The following ALS2 variants were observed in gnomAD, a reference collection of about 807,000 sequenced individuals.
ALS2 encodes the protein alsin Rho guanine nucleotide exchange factor ALS2.
ALS2 carries 117 observed loss-of-function variants against 203.4 expected under a neutral mutation model. The ratio of observed to expected loss-of-function variants is 0.58; its 90% CI spans 0.50 to 0.67. The LOEUF (loss-of-function observed/expected upper bound fraction) is 0.67. ALS2 is among the 30% of genes least tolerant of loss of function. ALS2 has a pLI of 0.00. For missense variants in ALS2, 1,715 were observed against 1,989.4 expected, an observed-to-expected ratio of 0.86 and a Z score of 2.62; for synonymous variants, 718 against 725.9, an observed-to-expected ratio of 0.99 and a Z score of 0.17.
intron 4 of ALS2, chr2:201,760,336 A>G: frequency 1.0e-6 from 1 of 985,412 alleles, no homozygotes; most frequent in Non-Finnish European, 1.2e-6. Context: ...AAAAGATAAA[A>G]TATTAGCCAC....
In ALS2 at chr2:201,761,730, C is replaced by G. The variant is rs767442595; in HGVS notation, c.264G>C (p.Leu88=). 6.2e-7 allele frequency: 1 copy of G among 1,614,016 alleles called. No individual in the cohort carries two copies. The change falls in exon 4 of 34, where the codon CTG becomes CTC. Residue 88 remains leucine (L), a synonymous_variant. Transcript: ENST00000264276. The part of the protein sequence containing the change: ...CPSSPILENA[L]VGQYVITVAT... Reference sequence around the variant, plus strand: ...CCACAGTAATAACATATTGCCCAACCAGGGCATTTTCTAGAATGGGGCTAC... The same window carrying G: ...CCACAGTAATAACATATTGCCCAACGAGGGCATTTTCTAGAATGGGGCTAC...
intron 9 of ALS2, among the ~76,000 whole-genome samples, chr2:201,746,186 C>T (rs1295250311): frequency 6.6e-6 from 1 of 152,130 alleles, no homozygotes; most frequent in Non-Finnish European, 1.5e-5. Context: ...TTCCAATATT[C>T]CTACATGAGG....
intron 7 of ALS2, among the ~76,000 whole-genome samples, chr2:201,751,966 T>G (rs1398619694): frequency 6.6e-6 from 1 of 152,224 alleles, no homozygotes; most frequent in Non-Finnish European, 1.5e-5. Flanking sequence ...TGAGATTATT[T>G]CTAGCCGACA....
rs1689312931 is a variant in ALS2 at position 201,700,356 on chromosome 2, C to T, written c.*1495G>A. Among the ~76,000 whole-genome samples the T allele has an allele frequency of 6.6e-6, 1 of 152,132 alleles. No homozygotes were observed. The highest frequency in any genetic ancestry group is 1.5e-5 in the Non-Finnish European group (1 of 68,024). On this transcript the variant is annotated 3_prime_UTR_variant, in exon 34 of 34. Transcript: ENST00000264276. ...ATTGGGGTCAGAAAGTTAATTTGCT[C>T]TTTGCTAGAAAGGGTGCTATAACTA...
At chr2:201,741,482 AT>A (rs1319316693) in intron 11 of ALS2, 191 bp downstream of exon 11, 17 of 593,660 alleles carry the variant, frequency 2.9e-5, no homozygotes, top group South Asian at 4.0e-5. Context: ...TTATTTTTAA[AT>A]TTTTTTTCAT....
At chr2:201,772,675 G>A (rs977994311) in intron 1 of ALS2, among the ~76,000 whole-genome samples, 1 of 151,958 alleles carries the variant, frequency 6.6e-6, no homozygotes, top group Non-Finnish European at 1.5e-5. Flanking sequence ...TTGAATAAAG[G>A]ACCAGGAATC....
intron 13 of ALS2, among the ~76,000 whole-genome samples, chr2:201,731,904 T>G (rs1691579553): frequency 6.6e-6 from 1 of 152,118 alleles, no homozygotes. Flanking sequence ...TAAAATGACT[T>G]TTGTCCCAGA....
intron 23 of ALS2, among the ~76,000 whole-genome samples, chr2:201,718,667 C>T (rs1440758073): frequency 6.6e-6 from 1 of 151,820 alleles, no homozygotes; most frequent in Non-Finnish European, 1.5e-5. Flanking sequence ...AATATGGGCA[C>T]ATGCATGTCT....
rs34418114 is a variant in ALS2, at chr2:201,720,539, CAAAAAAAAAA to C, written c.3703-2339_3703-2330del. Among the ~76,000 whole-genome samples, 14 of 66,494 alleles carry C rather than the reference CAAAAAAAAAA, an allele frequency of 2.1e-4. 1 individual carries two copies. Among genetic ancestry groups the C allele is most frequent in the Middle Eastern group, 0.017 (2 of 118 alleles). The allele number at this position is 66,494 out of a possible 152,430, so 43.6% of individuals were successfully genotyped here. On this transcript the variant is annotated intron_variant, in intron 23 of 33. Coordinates refer to ENST00000264276, the MANE Select transcript of ALS2 (RefSeq NM_020919.4). Reference sequence around the variant, plus strand: ...GCAACATAGCGAAACTCTGTCTCTACAAAAAAAAAAAAAAAAAAAAAAAAATTAGCCAGGC... The same window carrying C: ...GCAACATAGCGAAACTCTGTCTCTACAAAAAAAAAAAAAAATTAGCCAGGC...
intron 23 of ALS2, among the ~76,000 whole-genome samples, chr2:201,719,590 AAAAAAT>A (rs143044372): frequency 0.085 from 12,709 of 148,816 alleles, 603 homozygotes; most frequent in Middle Eastern, 0.12. Flanking sequence ...TCCGTCTCGA[AAAAAAT>A]AAAAATAAAA....
chr2:201,766,471 C>G (rs1175183011), intron 3 of ALS2, among the ~76,000 whole-genome samples: 1 of 148,570 alleles, frequency 6.7e-6, no homozygotes, highest in East Asian at 2.0e-4. Flanking sequence ...CATGGTGAAA[C>G]CCCATCTCTA....
Position 201,704,488 on chromosome 2 carries a change from A to G in ALS2, c.4804T>C (p.Phe1602Leu). 1 of 1,614,136 alleles carries G rather than the reference A, an allele frequency of 6.2e-7. No homozygotes were observed. The highest frequency in any genetic ancestry group is 1.3e-5 in the African/African-American group (1 of 75,032). Residue 1602 changes from phenylalanine (F) to leucine (L), a missense_variant, in exon 32 of 34, where the codon TTT (phenylalanine) becomes CTT (leucine). Phe to Leu is a conservative substitution (Grantham distance 22). This residue lies in a region of ALS2 where 1,227 missense variants were observed against 1,413.5 expected (regional missense o/e 0.87). Coordinates refer to ENST00000264276, the MANE Select transcript of ALS2 (RefSeq NM_020919.4). The stretch of plus-strand genomic sequence containing the variant: ...AGCACCACATATAAGAAAACAGGAA[A>G]CAAGTCATCCATGGACCACAAGAAG... ...EDFLWSMDDL[F>L]PVFLYVVLRA...
intron 8 of ALS2, among the ~76,000 whole-genome samples, chr2:201,747,674 C>T (rs982961735): frequency 2.6e-5 from 4 of 152,132 alleles, no homozygotes; most frequent in Non-Finnish European, 4.4e-5. Context: ...TGGTCTCGGT[C>T]TCCTGACCTC....
At chr2:201,769,096 A>G (rs550799303) in intron 1 of ALS2, among the ~76,000 whole-genome samples, 151 bp from the exon 2 acceptor site, 4 of 152,170 alleles carry the variant, frequency 2.6e-5, no homozygotes, top group Non-Finnish European at 5.9e-5. Flanking sequence ...CTTGCCTGCC[A>G]AAGTCAAACA....
chr2:201,752,007 T>C (rs1693095963), intron 7 of ALS2, among the ~76,000 whole-genome samples: 1 of 152,162 alleles, frequency 6.6e-6, no homozygotes, highest in Non-Finnish European at 1.5e-5. Context: ...ATCTGTTTAA[T>C]TTTATAATAT....
Position 201,704,234 on chromosome 2 carries a change from A to T in ALS2, c.4839-16T>A. On this transcript the variant is annotated splice_polypyrimidine_tract_variant and intron_variant, in intron 32 of 33. Transcript: ENST00000264276. The stretch of plus-strand genomic sequence containing the variant: ...ATTCCTAATCCTGCCCCAGAGAGAA[A>T]AAGATGCTGAGTTATTTTCACTTAC... 3.1e-6 allele frequency: 5 copies of T among 1,606,728 alleles called. No individual in the cohort carries two copies. The highest frequency in any genetic ancestry group is 4.3e-6 in the Non-Finnish European group (5 of 1,173,316).
Position 201,707,939 on chromosome 2 carries a change from G to C in ALS2, c.4333C>G (p.Pro1445Ala), listed in dbSNP as rs1559032116. 1 of 1,613,554 alleles carries C rather than the reference G, an allele frequency of 6.2e-7. No homozygotes were observed. Among genetic ancestry groups the C allele is most frequent in the East Asian group, 2.2e-5 (1 of 44,858 alleles). Residue 1445 changes from proline (P) to alanine (A), a missense_variant, in exon 28 of 34, where the codon CCT becomes GCT. By Grantham distance (27) the Pro-to-Ala change is conservative. Coordinates refer to ENST00000264276, the MANE Select transcript of ALS2 (RefSeq NM_020919.4). ...EEGSTIPLSA[P>A]LPTERKSFCT... ...AAAGACTTCCTTTCGGTTGGCAGAG[G>C]AGCAGAGAGAGGAATTGTGCTGCCT...
intron 9 of ALS2, 36 bp downstream of exon 9, chr2:201,746,530 A>G (rs1418453225): frequency 3.1e-6 from 5 of 1,608,978 alleles, no homozygotes; most frequent in Non-Finnish European, 4.3e-6. Context: ...CTTATGTGTT[A>G]CTGAATGTGG....
chr2:201,746,643 G>C lies in ALS2; in HGVS notation c.1921C>G (p.Gln641Glu). Reference protein sequence around the residue: ...FQPGLYYSGRQDPTEGDNLPE... With the variant: ...FQPGLYYSGREDPTEGDNLPE... ...AGGTTGTCACCTTCTGTAGGGTCCT[G>C]TCGGCCACTGTAATATAACCCAGGC... is the stretch of plus-strand genomic sequence containing the variant. Residue 641 changes from glutamine to glutamate, a missense_variant, in exon 9 of 34, where the codon CAG becomes GAG. Physicochemically the swap from Gln to Glu is conservative, Grantham distance 29. This residue lies in a region of ALS2 where 1,227 missense variants were observed against 1,413.5 expected (regional missense o/e 0.87). Coordinates refer to ENST00000264276, the MANE Select transcript of ALS2 (RefSeq NM_020919.4). 6.2e-7 allele frequency: 1 copy of C among 1,614,148 alleles called. No homozygotes were observed.
Sources: allele counts gnomAD v4.1 joint callset (sites outside exome capture counted in the v4.1 genomes callset), GRCh38; gene constraint gnomAD v4.1.1; regional missense constraint gnomAD v4.1.1; transcripts MANE v1.5; gene names NCBI Gene and HGNC (gene_info 2026-07-23, HGNC 2026-07-21).